Variants in ABI3BP observed in about 807,000 individuals in gnomAD.
ABI3BP encodes the protein ABI family member 3 binding protein, also known as target of Nesh-SH3.
Under a neutral mutation model 268.6 loss-of-function variants are expected in ABI3BP, and 216 were observed. The ratio of observed to expected loss-of-function variants is 0.80; its 90% confidence interval spans 0.72 to 0.90. The LOEUF (loss-of-function observed/expected upper bound fraction) is 0.90, where lower values mean the gene tolerates loss of function less well. ABI3BP is among the 40% of genes least tolerant of loss of function. The pLI is 0.00. For missense variants in ABI3BP, 2,090 were observed against 2,182.4 expected, an observed-to-expected ratio of 0.96 and a Z score of 0.84; for synonymous variants, 730 against 730.0, an observed-to-expected ratio of 1.00 and a Z score of 0.00.
intron 1 of ABI3BP, among the ~76,000 whole-genome samples, chr3:100,947,755 T>C (rs1451195482): frequency 6.6e-6 from 1 of 151,944 alleles, no homozygotes; most frequent in Non-Finnish European, 1.5e-5. Flanking sequence ...TAGTAAACTG[T>C]TAGGTAGCAA....
At chr3:100,940,786 CTATA>C (rs1167503911) in intron 1 of ABI3BP, among the ~76,000 whole-genome samples, 545 of 10,130 alleles carry the variant, frequency 0.054, 16 homozygotes, top group Middle Eastern at 0.14. Context: ...AATTACTTCA[CTATA>C]TATATATATA....
In ABI3BP at chr3:100,837,128, G is replaced by A. The variant is rs1237430277; in HGVS notation, c.2127C>T (p.Thr709=). The A allele has an allele frequency of 6.5e-7, 1 of 1,534,222 alleles. No homozygotes were observed. Among genetic ancestry groups the A allele is most frequent in the Admixed American group, 2.0e-5 (1 of 50,814 alleles). Residue 709 remains threonine, a synonymous_variant, in exon 27 of 68, where the codon ACC becomes ACT. Coordinates refer to ENST00000471714, the MANE Select transcript of ABI3BP (RefSeq NM_001375547.2). ...VPFETEAPSM[T]IVPTTDIEPV... Reference sequence around the variant, plus strand: ...GAAGGAAGAAAGCATCATTACCTATGGTCATTGAGGGAGCTTCAGTTTCAA... The same window carrying A: ...GAAGGAAGAAAGCATCATTACCTATAGTCATTGAGGGAGCTTCAGTTTCAA...
chr3:100,830,147 A>ATATATATATATATATATATG (rs2098465586), intron 32 of ABI3BP, among the ~76,000 whole-genome samples: 1 of 62,418 alleles, frequency 1.6e-5, no homozygotes, highest in Non-Finnish European at 4.0e-5. Context: ...ATATATATAT[A>ATATATATATATATATATATG]TATATATATA....
At chr3:100,803,772 T>A (rs1046907025) in intron 51 of ABI3BP, among the ~76,000 whole-genome samples, 4 of 152,318 alleles carry the variant, frequency 2.6e-5, no homozygotes, top group Non-Finnish European at 5.9e-5. Context: ...TTTATAATAT[T>A]GGCTATTGTG....
At chr3:100,859,313 G>C (rs890431696) in intron 14 of ABI3BP, among the ~76,000 whole-genome samples, 9 of 152,036 alleles carry the variant, frequency 5.9e-5, no homozygotes, top group African/African-American at 2.2e-4. Flanking sequence ...TATTAGGTTG[G>C]TGCAAATGTA....
In ABI3BP at chr3:100,812,466, C is replaced by A; in HGVS notation, c.3421+1G>T. 7.7e-7 allele frequency: 1 copy of A among 1,295,234 alleles called. No individual in the cohort carries two copies. The highest frequency in any genetic ancestry group is 9.8e-7 in the Non-Finnish European group (1 of 1,021,406). The allele number at this position is 1,295,234 out of a possible 1,614,324, so 80.2% of individuals were successfully genotyped here. Reference sequence around the variant, plus strand: ...GACTTCCCATTGGGGAACATTTTTACCTATGGTCTCCTTTGGTGACTCAGT... The same window carrying A: ...GACTTCCCATTGGGGAACATTTTTAACTATGGTCTCCTTTGGTGACTCAGT... On this transcript the variant is annotated splice_donor_variant, in intron 46 of 67. Transcript: ENST00000471714. LOFTEE classifies it high-confidence loss of function.
chr3:100,975,196 C>T (rs890833257), intron 1 of ABI3BP, among the ~76,000 whole-genome samples: 11 of 151,436 alleles, frequency 7.3e-5, no homozygotes, highest in Non-Finnish European at 1.3e-4. Context: ...AAGGATATTG[C>T]AAAAATCAAA....
chr3:100,825,710 G>T, intron 35 of ABI3BP, 75 bp downstream of exon 35: 1 of 1,138,084 alleles, frequency 8.8e-7, no homozygotes, highest in Non-Finnish European at 1.3e-6. Flanking sequence ...ATGTTATAGG[G>T]ATGAAGACTG....
chr3:100,862,842 T>C lies in ABI3BP; in HGVS notation c.1206A>G (p.Thr402=). ...TPFPFEKPRG[T]LASSEKPWIV... ...AATTTAAGGTACTCTTATTACCCAA[T>C]GTGCCCCTAGGTTTCTCAAAAGGGA... The change falls in exon 13 of 68, where the codon ACA becomes ACG. Residue 402 remains threonine, a synonymous_variant. Coordinates refer to ENST00000471714, the MANE Select transcript of ABI3BP (RefSeq NM_001375547.2). 20 of 1,534,212 alleles carry C rather than the reference T, an allele frequency of 1.3e-5. No homozygotes were observed. Among genetic ancestry groups the C allele is most frequent in the Non-Finnish European group, 1.7e-5 (20 of 1,145,406 alleles).
At chr3:100,842,811 C>A (rs1312733183) in intron 20 of ABI3BP, among the ~76,000 whole-genome samples, 1 of 151,994 alleles carries the variant, frequency 6.6e-6, no homozygotes, top group Non-Finnish European at 1.5e-5. Flanking sequence ...ATTCTATCAA[C>A]AAAAAGTATT....
At chr3:100,756,989 ATG>A (rs1268228549) in intron 63 of ABI3BP, among the ~76,000 whole-genome samples, 2 of 151,570 alleles carry the variant, frequency 1.3e-5, no homozygotes, top group Non-Finnish European at 2.9e-5. Context: ...TCTAAGAGAA[ATG>A]TCTCAATATT....
chr3:100,991,064 TC>T (rs2092834285), intron 1 of ABI3BP, among the ~76,000 whole-genome samples: 1 of 152,222 alleles, frequency 6.6e-6, no homozygotes, highest in Non-Finnish European at 1.5e-5. Flanking sequence ...TCTCCCCTGT[TC>T]CCTTTGAGCA....
intron 16 of ABI3BP, among the ~76,000 whole-genome samples, chr3:100,850,393 G>A (rs2098824074): frequency 6.6e-6 from 1 of 152,148 alleles, no homozygotes; most frequent in African/African-American, 2.4e-5. Context: ...AGATGGTGCA[G>A]GTGATGACGT....
At chr3:100,919,665 G>A (rs2576371) in intron 2 of ABI3BP, among the ~76,000 whole-genome samples, 152,293 of 152,368 alleles carry the variant, frequency 1, 76,109 homozygotes, top group Middle Eastern at 1. Flanking sequence ...GCCCAAATGC[G>A]CTGAGATAGA....
At chr3:100,814,877 TA>T (rs1389845819) in intron 44 of ABI3BP, among the ~76,000 whole-genome samples, 2 of 152,148 alleles carry the variant, frequency 1.3e-5, no homozygotes, top group African/African-American at 4.8e-5. Context: ...AGCCACTGGA[TA>T]GATCTCCCTC....
At chr3:100,776,552 C>G (rs1475847867) in intron 59 of ABI3BP, among the ~76,000 whole-genome samples, 3 of 152,110 alleles carry the variant, frequency 2.0e-5, no homozygotes, top group South Asian at 2.1e-4. Flanking sequence ...TTCACAGACA[C>G]ATGTGAGAGA....
chr3:100,922,523 CGATGGTGATGGTGATGGT>C (rs74793509), intron 2 of ABI3BP, among the ~76,000 whole-genome samples: 2 of 148,588 alleles, frequency 1.3e-5, no homozygotes, highest in Non-Finnish European at 3.0e-5. Flanking sequence ...TGATGTGATG[CGATGGTGATGGTGATGGT>C]GATGGTGATG....
chr3:100,925,241 A>G (rs2061464579), intron 2 of ABI3BP, among the ~76,000 whole-genome samples: 1 of 152,166 alleles, frequency 6.6e-6, no homozygotes, highest in African/African-American at 2.4e-5. Flanking sequence ...CATTCCCTGC[A>G]TATTATCAGA....
rs761760438 is a variant in ABI3BP, at chr3:100,847,698, T to C, written c.1577-25A>G. 27 of 1,585,074 alleles carry C rather than the reference T, an allele frequency of 1.7e-5. 1 individual carries two copies. Among genetic ancestry groups the C allele is most frequent in the Middle Eastern group, 3.3e-4 (2 of 6,020 alleles). ...TCTGGTGATGGAAAGGAAAAAAATA[T>C]TGAAATATCCTAGAGACAATAAAAA... On this transcript the variant is annotated intron_variant, in intron 18 of 67. Coordinates refer to ENST00000471714, the MANE Select transcript of ABI3BP (RefSeq NM_001375547.2).
Sources: allele counts gnomAD v4.1 joint callset (sites outside exome capture counted in the v4.1 genomes callset), GRCh38; gene constraint gnomAD v4.1.1; transcripts MANE v1.5; gene names NCBI Gene and HGNC (gene_info 2026-07-23, HGNC 2026-07-21).